Variants in IRX2 observed in about 807,000 individuals in gnomAD.
IRX2 encodes the protein iroquois homeobox 2.
Under a neutral mutation model 42.9 loss-of-function variants are expected in IRX2, and 26 were observed. The observed-to-expected ratio is 0.61, with a 90% confidence interval of 0.44 to 0.84. The LOEUF is 0.84. IRX2 is among the 40% of genes least tolerant of loss of function. The pLI, the probability that IRX2 is intolerant of heterozygous loss-of-function variation, is 0.00. For missense variants in IRX2, 782 were observed against 713.9 expected (o/e 1.10, Z -1.09); for synonymous variants, 424 against 353.9 (o/e 1.20, Z -2.22).
chr5:2,750,108 G>A (rs983500309), intron 1 of IRX2, among the ~76,000 whole-genome samples: 1 of 152,116 alleles, frequency 6.6e-6, no homozygotes, highest in African/African-American at 2.4e-5. Context: ...AGGCCCACAG[G>A]TAGCTCTTTG....
Position 2,748,454 on chromosome 5 carries a change from G to A in IRX2, c.1254C>T (p.Gly418=). 1 of 1,568,838 alleles carries A rather than the reference G, an allele frequency of 6.4e-7. No homozygotes were observed. Among genetic ancestry groups the A allele is most frequent in the Non-Finnish European group, 8.6e-7 (1 of 1,161,508 alleles). ...LRYNSAAAAP[G]EALHTAPKAA... ...CCTTTGGCGCGGTGTGCAGGGCCTC[G>A]CCGGGGGCCGCGGCCGCAGAGTTGT... Residue 418 remains glycine (G), a synonymous_variant, in exon 3 of 4, where the codon GGC becomes GGT. Transcript: ENST00000302057.
At position 2,746,409 on chromosome 5, in the gene IRX2, G is replaced by A. The variant is rs1004091566; in HGVS notation, c.*1155C>T. On this transcript the variant is annotated 3_prime_UTR_variant, in exon 4 of 4. Coordinates refer to ENST00000302057, the MANE Select transcript of IRX2 (RefSeq NM_033267.5). ...TGAAGTACTCAAGTTCTTCCATCAC[G>A]TTTTATTTCTACTGTGTACATCTTT... The A allele has an allele frequency of 2.0e-5, 3 of 152,042 alleles. No individual in the cohort carries two copies. Among genetic ancestry groups the A allele is most frequent in the African/African-American group, 4.8e-5 (2 of 41,418 alleles). The allele number at this position is 152,042 out of a possible 1,614,324, so 9.4% of individuals were successfully genotyped here.
downstream of IRX2, among the ~76,000 whole-genome samples, chr5:2,744,115 T>C (rs1309416312): frequency 7.1e-6 from 1 of 140,984 alleles, no homozygotes; most frequent in East Asian, 2.0e-4. Context: ...TGTGTGTGTG[T>C]GTGTTGAAAG....
chr5:2,751,482 C>A lies in IRX2; in HGVS notation c.-69G>T. 1.0e-6 allele frequency: 1 copy of A among 992,144 alleles called. No individual in the cohort carries two copies. The highest frequency in any genetic ancestry group is 1.2e-6 in the Non-Finnish European group (1 of 831,930). The allele number at this position is 992,144 out of a possible 1,614,324, so 61.5% of individuals were successfully genotyped here. A position where few individuals can be genotyped will look rare whatever the true frequency, so the allele number is the denominator to read the frequency against. On this transcript the variant is annotated 5_prime_UTR_variant, in exon 1 of 4. Transcript: ENST00000302057. The surrounding 1 kb of genome is among the most constrained non-coding windows in gnomAD (Gnocchi z 4.0). ...CAGGGCGCGCGGCGCCCTCCATCCA[C>A]GCCCGGCCGGGGCGCGGCGCGGCGG...
Position 2,748,947 on chromosome 5 carries a change from G to C in IRX2, c.761C>G (p.Ser254Trp). ...GTCGTCATACTTGTCCTTGCACTCC[G>C]AGCCCGATTCGCACAGGGGGTCCCC... Reference protein sequence around the residue: ...RAGDPLCESGSECKDKYDDLE... With the variant: ...RAGDPLCESGWECKDKYDDLE... Residue 254 changes from serine to tryptophan, a missense_variant, in exon 3 of 4, where the codon TCG becomes TGG. Ser to Trp is a radical substitution (Grantham distance 177). Transcript: ENST00000302057. 6.3e-7 allele frequency: 1 copy of C among 1,597,026 alleles called. No individual in the cohort carries two copies. Among genetic ancestry groups the C allele is most frequent in the Non-Finnish European group, 8.5e-7 (1 of 1,179,442 alleles).
chr5:2,751,045 A>C lies in IRX2; in HGVS notation c.249+120T>G, dbSNP rs1304578034. Reference sequence around the variant, plus strand: ...CGGCCAACCGAGCCGGCGACTCCTGAGTCGCCAGCCGCGCCACATTCCCGG... The same window carrying C: ...CGGCCAACCGAGCCGGCGACTCCTGCGTCGCCAGCCGCGCCACATTCCCGG... On this transcript the variant is annotated intron_variant, in intron 1 of 3. Transcript: ENST00000302057. The surrounding 1 kb of genome is among the most constrained non-coding windows in gnomAD (Gnocchi z 4.0). The C allele has an allele frequency of 8.9e-7, 1 of 1,124,882 alleles. No homozygotes were observed. The highest frequency in any genetic ancestry group is 1.1e-6 in the Non-Finnish European group (1 of 907,210). 69.7% of individuals were successfully genotyped at this position (1,124,882 alleles called of 1,614,324 possible).
chr5:2,750,474 C>T (rs1036422248), intron 1 of IRX2, among the ~76,000 whole-genome samples: 1 of 152,226 alleles, frequency 6.6e-6, no homozygotes, highest in Non-Finnish European at 1.5e-5. Context: ...GGGCCTGGCC[C>T]AGCTCAGTAA....
chr5:2,740,956 A>C (rs1737524246), downstream of IRX2, among the ~76,000 whole-genome samples: 1 of 152,144 alleles, frequency 6.6e-6, no homozygotes, highest in Non-Finnish European at 1.5e-5. Flanking sequence ...TGCTGCCTTG[A>C]CCCCACCTAA....
In IRX2 at chr5:2,749,677, G is replaced by A. The variant is rs201409542; in HGVS notation, c.360C>T (p.Asn120=). Residue 120 remains asparagine (N), a synonymous_variant, in exon 2 of 4, where the codon AAC becomes AAT. Transcript: ENST00000302057. ...YQLNDPAYRK[N]ATRDATATLK... ...GAGTGGCCGTGGCGTCCCGCGTGGCGTTCTTGCGGTACGCGGGGTCGTTGA... is the reference window on the plus strand; with the variant it reads ...GAGTGGCCGTGGCGTCCCGCGTGGCATTCTTGCGGTACGCGGGGTCGTTGA... The A allele has an allele frequency of 5.0e-6, 8 of 1,614,218 alleles. No homozygotes were observed. The East Asian group carries it at 8.9e-5, about 18-fold the overall frequency.
chr5:2,744,073 C>T (rs1737603967), downstream of IRX2, among the ~76,000 whole-genome samples: 1 of 140,084 alleles, frequency 7.1e-6, no homozygotes, highest in Non-Finnish European at 1.5e-5. Flanking sequence ...AGAATGGAGT[C>T]GTGTGTGTGT....
Position 2,747,381 on chromosome 5 carries a change from T to C in IRX2, c.*183A>G, listed in dbSNP as rs1355244656. 3 of 536,652 alleles carry C rather than the reference T, an allele frequency of 5.6e-6. No individual in the cohort carries two copies. The highest frequency in any genetic ancestry group is 3.8e-5 in the African/African-American group (2 of 53,064). 33.2% of individuals were successfully genotyped at this position (536,652 alleles called of 1,614,324 possible). Reference sequence around the variant, plus strand: ...ACTTGTGCCAAAAAGAGGGAATCTATAAAACAGAAAATATAGTTTCCCCCT... The same window carrying C: ...ACTTGTGCCAAAAAGAGGGAATCTACAAAACAGAAAATATAGTTTCCCCCT... On this transcript the variant is annotated 3_prime_UTR_variant, in exon 4 of 4. Transcript: ENST00000302057.
chr5:2,748,234 T>G, intron 3 of IRX2, 111 bp downstream of exon 3: 2 of 978,154 alleles, frequency 2.0e-6, no homozygotes, highest in Non-Finnish European at 1.4e-6. Context: ...GTCCCAGGAG[T>G]GGCCCCCTGG....
chr5:2,739,646 C>T, the IRX2 span, among the ~76,000 whole-genome samples: 7 of 152,228 alleles, frequency 4.6e-5, no homozygotes, highest in Non-Finnish European at 1.0e-4. Context: ...CCGCCGGACC[C>T]CGCGATCGTC....
In IRX2 at chr5:2,748,257, G is replaced by GAC. The variant is rs143693484; in HGVS notation, c.1363+86_1363+87dup. 967 of 1,225,158 alleles carry GAC rather than the reference G, an allele frequency of 7.9e-4. 20 individuals are homozygous for GAC. In the East Asian group the frequency reaches 0.031, roughly 39 times the overall value. The allele number at this position is 1,225,158 out of a possible 1,614,324, so 75.9% of individuals were successfully genotyped here. ...AGTGGCCCCCTGGATCTTCTTCCCG[G>GAC]ACCCTCCCTCGGGTCTCCCGGGCGC... is the stretch of plus-strand genomic sequence containing the variant. On this transcript the variant is annotated intron_variant, in intron 3 of 3. Transcript: ENST00000302057.
At position 2,751,239 on chromosome 5, in the gene IRX2, C is replaced by A. The variant is rs1251136756; in HGVS notation, c.175G>T (p.Ala59Ser). The A allele has an allele frequency of 7.2e-7, 1 of 1,379,598 alleles. No homozygotes were observed. Among genetic ancestry groups the A allele is most frequent in the South Asian group, 1.5e-5 (1 of 65,052 alleles). 85.5% of individuals were successfully genotyped at this position (1,379,598 alleles called of 1,614,324 possible). A position where few individuals can be genotyped will look rare whatever the true frequency, so the allele number is the denominator to read the frequency against. Residue 59 changes from alanine (A) to serine (S), a missense_variant, in exon 1 of 4, where the codon GCC becomes TCC. By Grantham distance (99) the Ala-to-Ser change is moderately conservative. This residue lies in a region of IRX2 where 256 missense variants were observed against 250.0 expected (regional missense o/e 1.02). Transcript: ENST00000302057. The surrounding 1 kb of genome is among the most constrained non-coding windows in gnomAD (Gnocchi z 4.0). ...TGCAGCGGGCTCCCGAAGCCGGTGG[C>A]CGCCTGCGCCGTGAAGGCCGCCGAG... ...PGSAAFTAQAATGFGSPLQYS... is the reference protein window; with the variant it reads ...PGSAAFTAQASTGFGSPLQYS...
At position 2,746,170 on chromosome 5, in the gene IRX2, G is replaced by A. The variant is rs1331932183; in HGVS notation, c.*1394C>T. 1 of 151,924 alleles carries A rather than the reference G, an allele frequency of 6.6e-6. No individual in the cohort carries two copies. The highest frequency in any genetic ancestry group is 2.4e-5 in the African/African-American group (1 of 41,376). 9.4% of individuals were successfully genotyped at this position (151,924 alleles called of 1,614,324 possible). On this transcript the variant is annotated 3_prime_UTR_variant, in exon 4 of 4. Coordinates refer to ENST00000302057, the MANE Select transcript of IRX2 (RefSeq NM_033267.5). ...AATAAGCCCCAAACATCATATTATT[G>A]TAGACTAGTCTGTTTTTATTTACAA...
downstream of IRX2, among the ~76,000 whole-genome samples, chr5:2,743,086 A>G (rs1303720267): frequency 1.3e-5 from 2 of 152,138 alleles, no homozygotes; most frequent in Non-Finnish European, 2.9e-5. Flanking sequence ...GCCCTCTCCC[A>G]CCACTCTCCC....
At chr5:2,749,348 C>A (rs1247551948) in intron 2 of IRX2, 34 bp downstream of exon 2, 5 of 1,560,498 alleles carry the variant, frequency 3.2e-6, no homozygotes, top group Non-Finnish European at 2.6e-6. Context: ...GAAGAAAGCG[C>A]CCCGAGACCT....
chr5:2,743,321 C>G (rs1302838056), downstream of IRX2, among the ~76,000 whole-genome samples: 4 of 152,198 alleles, frequency 2.6e-5, no homozygotes, highest in African/African-American at 9.6e-5. Flanking sequence ...GAAACAATAA[C>G]TCTTTTATTG....
Sources: gnomAD v4.1 joint callset for allele counts (sites outside exome capture counted in the v4.1 genomes callset) on GRCh38, gnomAD v4.1.1 for gene constraint, gnomAD v4.1.1 regional missense constraint, Gnocchi (gnomAD v3.1) non-coding constraint, MANE v1.5 for transcripts, NCBI Gene and HGNC (gene_info 2026-07-23, HGNC 2026-07-21) for gene names.